Variants in CDYL2 observed in about 807,000 individuals in gnomAD.
CDYL2 encodes chromodomain Y like 2, also known as chromodomain Y-like protein 2.
Under a neutral mutation model 49.4 loss-of-function variants are expected in CDYL2, and 23 were observed. The observed-to-expected ratio is 0.47, with a 90% CI of 0.34 to 0.66. The LOEUF is 0.66. Among genes scored for constraint, CDYL2 ranks in the 30% least tolerant of loss-of-function variants. The probability of loss-of-function intolerance (pLI) is 0.01; values close to 1 mark genes in which losing one functional copy is unlikely to be tolerated. For missense variants in CDYL2, 678 were observed against 656.4 expected (o/e 1.03, Z -0.36); for synonymous variants, 360 against 268.8 (o/e 1.34, Z -3.32).
chr16:80,772,625 G>T lies in CDYL2; in HGVS notation c.24+31525C>A, dbSNP rs9939131. On this transcript the variant is annotated intron_variant, in intron 1 of 6. Transcript: ENST00000570137. ...GTGCCACCACGCCCGGCTAATGTTT[G>T]TATTTTTAGTAGAGACGGGGTTTCA... Among the ~76,000 whole-genome samples, 457 of 152,174 alleles carry T rather than the reference G, an allele frequency of 3.0e-3. 2 individuals are homozygous for T. The highest frequency in any genetic ancestry group is 0.011 in the African/African-American group (447 of 41,512).
intron 2 of CDYL2, among the ~76,000 whole-genome samples, chr16:80,669,950 G>T (rs1597161131): frequency 6.6e-6 from 1 of 152,176 alleles, no homozygotes; most frequent in African/African-American, 2.4e-5. Flanking sequence ...GTCCTGTGAG[G>T]CCACCTAATC....
rs1238107203 is a variant in CDYL2 at position 80,659,672 on chromosome 16, A to T, written c.616+24866T>A. Among the ~76,000 whole-genome samples the T allele has an allele frequency of 2.5e-4, 9 of 35,714 alleles. No homozygotes were observed. In the African/African-American group the frequency reaches 0.014, roughly 54 times the overall value. The allele number at this position is 35,714 out of a possible 152,430, so 23.4% of individuals were successfully genotyped here. Reference sequence around the variant, plus strand: ...CACACAGAAAGAGAGAAAAAAGTTAAAAAAACTGGTTAATCAGAAAATGGG... The same window carrying T: ...CACACAGAAAGAGAGAAAAAAGTTATAAAAACTGGTTAATCAGAAAATGGG... On this transcript the variant is annotated intron_variant, in intron 2 of 6. Coordinates refer to ENST00000570137, the MANE Select transcript of CDYL2 (RefSeq NM_152342.4).
intron 2 of CDYL2, among the ~76,000 whole-genome samples, chr16:80,636,719 T>C (rs1301644673): frequency 6.6e-6 from 1 of 152,160 alleles, no homozygotes; most frequent in African/African-American, 2.4e-5. Flanking sequence ...ACCCAAAGGA[T>C]TATAAATCAT....
chr16:80,681,023 A>G (rs1352608267), intron 2 of CDYL2, among the ~76,000 whole-genome samples: 2 of 152,302 alleles, frequency 1.3e-5, no homozygotes, highest in East Asian at 3.9e-4. Context: ...ACTGCTGGGG[A>G]AAAAGCGCAG....
At chr16:80,696,192 G>C (rs917623977) in intron 1 of CDYL2, among the ~76,000 whole-genome samples, 12 of 152,190 alleles carry the variant, frequency 7.9e-5, no homozygotes, top group Admixed American at 7.2e-4. Flanking sequence ...AAAATTTCTT[G>C]AAACAAATGA....
intron 1 of CDYL2, among the ~76,000 whole-genome samples, chr16:80,743,058 A>C (rs1249252626): frequency 6.6e-6 from 1 of 152,038 alleles, no homozygotes; most frequent in Non-Finnish European, 1.5e-5. Context: ...GGCTGTATGG[A>C]GGGATGGACC....
chr16:80,654,863 T>A (rs932298747), intron 2 of CDYL2, among the ~76,000 whole-genome samples: 1 of 152,218 alleles, frequency 6.6e-6, no homozygotes, highest in Non-Finnish European at 1.5e-5. Flanking sequence ...TTCAGTGAAC[T>A]TCGGAGAGTA....
rs1908696884 is a variant in CDYL2, at chr16:80,653,984, G to A, written c.617-20748C>T. On this transcript the variant is annotated intron_variant, in intron 2 of 6. Coordinates refer to ENST00000570137, the MANE Select transcript of CDYL2 (RefSeq NM_152342.4). Reference sequence around the variant, plus strand: ...AGTGTGAGCCATCTTCCTCATGCATGGGGCTGCCCCATGCTTGCATGCCAA... The same window carrying A: ...AGTGTGAGCCATCTTCCTCATGCATAGGGCTGCCCCATGCTTGCATGCCAA... Among the ~76,000 whole-genome samples the A allele has an allele frequency of 2.0e-5, 3 of 152,184 alleles. No homozygotes were observed. The South Asian group carries it at 6.2e-4, about 32-fold the overall frequency.
At chr16:80,756,241 A>G (rs1906305880) in intron 1 of CDYL2, among the ~76,000 whole-genome samples, 1 of 152,132 alleles carries the variant, frequency 6.6e-6, no homozygotes, top group Admixed American at 6.6e-5. Flanking sequence ...TTTATTCATT[A>G]AAAACCAAAT....
chr16:80,694,757 A>G (rs537820902), intron 1 of CDYL2, among the ~76,000 whole-genome samples: 61 of 152,250 alleles, frequency 4.0e-4, no homozygotes, highest in African/African-American at 3.6e-4. Flanking sequence ...TCACTCTCCA[A>G]TGAAAAAAAC....
chr16:80,675,083 T>G (rs575107104), intron 2 of CDYL2, among the ~76,000 whole-genome samples: 1 of 152,356 alleles, frequency 6.6e-6, no homozygotes, highest in Non-Finnish European at 1.5e-5. Context: ...GAATGCCAAG[T>G]CAGCATCTCT....
intron 1 of CDYL2, among the ~76,000 whole-genome samples, chr16:80,725,318 G>T (rs1295654098): frequency 6.6e-6 from 1 of 152,052 alleles, no homozygotes; most frequent in Non-Finnish European, 1.5e-5. Context: ...AGATAAAATT[G>T]GAGACCCGCA....
At chr16:80,751,623 G>T (rs748885582) in intron 1 of CDYL2, among the ~76,000 whole-genome samples, 1 of 152,178 alleles carries the variant, frequency 6.6e-6, no homozygotes, top group African/African-American at 2.4e-5. Context: ...CCTTCAAAGT[G>T]CTCAATGATT....
At chr16:80,661,459 T>C (rs1425833408) in intron 2 of CDYL2, among the ~76,000 whole-genome samples, 1 of 152,148 alleles carries the variant, frequency 6.6e-6, no homozygotes, top group Non-Finnish European at 1.5e-5. Context: ...ACACAGGTTG[T>C]CTCATTCCAT....
rs539367383 is a variant in CDYL2 at position 80,603,464 on chromosome 16, G to C, written c.*924C>G. The stretch of plus-strand genomic sequence containing the variant: ...GAACTAGTATTCTATTATTACAGCT[G>C]AGAACCGTTTTACACAGAGGTGCAG... On this transcript the variant is annotated 3_prime_UTR_variant, in exon 7 of 7. Coordinates refer to ENST00000570137, the MANE Select transcript of CDYL2 (RefSeq NM_152342.4). 115 of 152,274 alleles carry C rather than the reference G, an allele frequency of 7.6e-4. No homozygotes were observed. The highest frequency in any genetic ancestry group is 2.6e-3 in the African/African-American group (108 of 41,548). The allele number at this position is 152,274 out of a possible 1,614,324, so 9.4% of individuals were successfully genotyped here.
intron 2 of CDYL2, among the ~76,000 whole-genome samples, chr16:80,659,696 G>A (rs925260561): frequency 6.6e-6 from 1 of 151,656 alleles, no homozygotes; most frequent in African/African-American, 2.4e-5. Flanking sequence ...TCAGAAAATG[G>A]GTCCTTCATA....
chr16:80,769,512 G>A (rs539336352), intron 1 of CDYL2, among the ~76,000 whole-genome samples: 1 of 152,294 alleles, frequency 6.6e-6, no homozygotes, highest in Non-Finnish European at 1.5e-5. Flanking sequence ...ACAGCCAAGT[G>A]GGTTAGAGAA....
chr16:80,705,003 C>T (rs975673916), intron 1 of CDYL2, among the ~76,000 whole-genome samples: 1 of 152,206 alleles, frequency 6.6e-6, no homozygotes, highest in African/African-American at 2.4e-5. Context: ...AGGAGCTAGA[C>T]CTCACTAGGT....
At position 80,643,953 on chromosome 16, in the gene CDYL2, TG is replaced by T. The variant is rs556039423; in HGVS notation, c.617-10718del. Among the ~76,000 whole-genome samples, 4 of 152,368 alleles carry T rather than the reference TG, an allele frequency of 2.6e-5. No individual in the cohort carries two copies. In the South Asian group the frequency reaches 8.3e-4, roughly 32 times the overall value. ...CATTACTTATGCAAATGTCTGAAGT[TG>T]GCTTGAATTTCTCCTAAAACAAAAA... On this transcript the variant is annotated intron_variant, in intron 2 of 6. Transcript: ENST00000570137.
Sources: gnomAD v4.1 joint callset for allele counts (sites outside exome capture counted in the v4.1 genomes callset) on GRCh38, gnomAD v4.1.1 for gene constraint, MANE v1.5 for transcripts, NCBI Gene and HGNC (gene_info 2026-07-23, HGNC 2026-07-21) for gene names.